The following TCEA3 variants were observed in gnomAD, a reference collection of about 807,000 sequenced individuals.
TCEA3 encodes the protein transcription elongation factor A3, also known as transcription elongation factor A protein 3.
Under a neutral mutation model 44.0 loss-of-function variants are expected in TCEA3, and 36 were observed. The observed-to-expected ratio is 0.82, with a 90% CI of 0.63 to 1.08. TCEA3 has a LOEUF of 1.08. Ranked by LOEUF, TCEA3 falls within the 50% of genes least tolerant of loss-of-function variation. TCEA3 has a pLI of 0.00. For synonymous variants in TCEA3, 162 were observed against 159.7 expected (o/e 1.01, Z -0.11); for missense variants, 392 against 441.2 (o/e 0.89, Z 1.00).
intron 5 of TCEA3, among the ~76,000 whole-genome samples, chr1:23,399,669 C>CT (rs1216114957): frequency 0.039 from 5,359 of 139,108 alleles, 254 homozygotes; most frequent in African/African-American, 0.11. Context: ...TGTGAGAAAC[C>CT]TTTTTTTTTT....
chr1:23,400,163 T>C (rs1260309729), intron 5 of TCEA3, among the ~76,000 whole-genome samples: 1 of 152,134 alleles, frequency 6.6e-6, no homozygotes, highest in Admixed American at 6.5e-5. Context: ...AAGCCACCAT[T>C]TACCACTGCT....
chr1:23,423,706 C>T (rs558587174), intron 1 of TCEA3, among the ~76,000 whole-genome samples: 1 of 152,340 alleles, frequency 6.6e-6, no homozygotes, highest in South Asian at 2.1e-4. Flanking sequence ...GAGCGCAGGC[C>T]CTCCAGGACC....
intron 7 of TCEA3, among the ~76,000 whole-genome samples, chr1:23,395,305 A>T (rs1366806784): frequency 6.6e-6 from 1 of 152,202 alleles, no homozygotes; most frequent in Non-Finnish European, 1.5e-5. Flanking sequence ...CTCTGTCTCC[A>T]TGTCCCAAGG....
intron 7 of TCEA3, among the ~76,000 whole-genome samples, chr1:23,395,285 C>T (rs1206631343): frequency 6.6e-6 from 1 of 152,250 alleles, no homozygotes; most frequent in African/African-American, 2.4e-5. Flanking sequence ...TTTCACCAGC[C>T]TCTTTCTGAC....
chr1:23,408,514 C>A, intron 5 of TCEA3, 150 bp downstream of exon 5: 1 of 737,300 alleles, frequency 1.4e-6, no homozygotes, highest in Admixed American at 2.9e-5. Flanking sequence ...TGTGGAAAGA[C>A]TGTGTGGGTC....
chr1:23,424,491 TC>T, intron 1 of TCEA3, 73 bp downstream of exon 1: 2 of 1,406,234 alleles, frequency 1.4e-6, no homozygotes. Context: ...CGCCAGTACG[TC>T]CCCACCCCGG....
rs118012850 is a variant in TCEA3, at chr1:23,401,385, C to T, written c.444-3430G>A. ...TTTAATGCAGTTTGAAACTTACTGT[C>T]CTAGATTAATCTAGCCTTAATTCTA... On this transcript the variant is annotated intron_variant, in intron 5 of 10. Transcript: ENST00000450454. Among the ~76,000 whole-genome samples, 3 of 152,232 alleles carry T rather than the reference C, an allele frequency of 2.0e-5. No homozygotes were observed. In the East Asian group the frequency reaches 5.8e-4, roughly 29 times the overall value.
intron 5 of TCEA3, among the ~76,000 whole-genome samples, chr1:23,408,252 G>A (rs936051461): frequency 5.3e-5 from 8 of 152,160 alleles, no homozygotes; most frequent in South Asian, 2.1e-4. Context: ...ATGAGCCACT[G>A]TGCCCAGCCT....
chr1:23,414,007 T>A (rs1639814223), intron 4 of TCEA3, among the ~76,000 whole-genome samples: 1 of 147,900 alleles, frequency 6.8e-6, no homozygotes, highest in East Asian at 1.9e-4. Context: ...TATATATATA[T>A]ATAAATTTTA....
chr1:23,403,981 G>A, intron 5 of TCEA3: 1 of 625,912 alleles, frequency 1.6e-6, no homozygotes, highest in Non-Finnish European at 2.9e-6. Context: ...GGCATCATCG[G>A]CCGGGGTGGG....
chr1:23,417,769 C>T (rs893161148), intron 3 of TCEA3, 135 bp downstream of exon 3: 2 of 801,158 alleles, frequency 2.5e-6, no homozygotes, highest in African/African-American at 3.5e-5. Context: ...TAGCTACCTC[C>T]CGGATCCAGA....
At chr1:23,423,284 C>T (rs572240085) in intron 1 of TCEA3, among the ~76,000 whole-genome samples, 34 of 152,336 alleles carry the variant, frequency 2.2e-4, no homozygotes, top group Admixed American at 6.5e-4. Context: ...AGGTCTGAGT[C>T]CTACTAAGGG....
chr1:23,395,584 A>G (rs1332993792), intron 7 of TCEA3, among the ~76,000 whole-genome samples: 5 of 152,114 alleles, frequency 3.3e-5, no homozygotes, highest in African/African-American at 4.8e-5. Flanking sequence ...CCAGCATTTT[A>G]CGAGGCTGAG....
At chr1:23,385,469 G>C (rs2148542853) in intron 9 of TCEA3, among the ~76,000 whole-genome samples, 1 of 152,314 alleles carries the variant, frequency 6.6e-6, no homozygotes, top group Middle Eastern at 3.4e-3. Flanking sequence ...AAGGTGCTTG[G>C]GAGAGAGCAG....
intron 4 of TCEA3, among the ~76,000 whole-genome samples, chr1:23,411,298 A>G (rs1188150125): frequency 6.6e-6 from 1 of 152,276 alleles, no homozygotes; most frequent in East Asian, 1.9e-4. Context: ...CTGGGATTAC[A>G]GGCACGCGCC....
chr1:23,384,003 A>G lies in TCEA3; in HGVS notation c.1038+343T>C. ...ATACCATCTGTGGAAGCACTTTCCA[A>G]AGAGGCGTGGTCCAAGTGCAGAATG... On this transcript the variant is annotated intron_variant, in intron 10 of 10. Transcript: ENST00000450454. The G allele has an allele frequency of 2.7e-6, 3 of 1,130,094 alleles. No homozygotes were observed. In the South Asian group the frequency reaches 1.1e-4, roughly 41 times the overall value. The allele number at this position is 1,130,094 out of a possible 1,614,324, so 70.0% of individuals were successfully genotyped here.
chr1:23,393,305 T>G (rs1639116901), intron 8 of TCEA3, among the ~76,000 whole-genome samples: 1 of 151,998 alleles, frequency 6.6e-6, no homozygotes, highest in African/African-American at 2.4e-5. Context: ...TCCCAACAGG[T>G]ACCAGCTGGT....
chr1:23,412,131 CCAGA>C lies in TCEA3; in HGVS notation c.381-3409_381-3406del, dbSNP rs1393262058. 9 of 152,312 alleles carry C rather than the reference CCAGA, an allele frequency of 5.9e-5. No homozygotes were observed. The South Asian group carries it at 1.7e-3, about 28-fold the overall frequency. 9.4% of individuals were successfully genotyped at this position (152,312 alleles called of 1,614,324 possible). ...CTGATAGTAGGATATTTCTGAGTGA[CCAGA>C]CAAAGGAGAAGGCATAGAATGGGTG... On this transcript the variant is annotated intron_variant, in intron 4 of 10. Coordinates refer to ENST00000450454, the MANE Select transcript of TCEA3 (RefSeq NM_003196.3).
In TCEA3 at chr1:23,408,504, T is replaced by C. The variant is rs188965623; in HGVS notation, c.443+160A>G. On this transcript the variant is annotated intron_variant, in intron 5 of 10. Coordinates refer to ENST00000450454, the MANE Select transcript of TCEA3 (RefSeq NM_003196.3). The stretch of plus-strand genomic sequence containing the variant: ...TCCAGAGGGTCCCCCAGGGCTGAAA[T>C]GTGGAAAGACTGTGTGGGTCTTAGA... 7.6e-6 allele frequency: 5 copies of C among 660,716 alleles called. No homozygotes were observed. In the East Asian group the frequency reaches 1.4e-4, roughly 19 times the overall value. The allele number at this position is 660,716 out of a possible 1,614,324, so 40.9% of individuals were successfully genotyped here.
Sources: allele counts gnomAD v4.1 joint callset (sites outside exome capture counted in the v4.1 genomes callset), GRCh38; gene constraint gnomAD v4.1.1; transcripts MANE v1.5; gene names NCBI Gene and HGNC (gene_info 2026-07-23, HGNC 2026-07-21).